The following PPARGC1B variants were observed in gnomAD, a reference collection of about 807,000 sequenced individuals.
PPARGC1B encodes PPARG coactivator 1 beta, also known as peroxisome proliferator-activated receptor gamma coactivator 1-beta.
Under a neutral mutation model 101.6 loss-of-function variants are expected in PPARGC1B, and 34 were observed. The ratio of observed to expected loss-of-function variants is 0.33; its 90% CI spans 0.25 to 0.45. The LOEUF (loss-of-function observed/expected upper bound fraction) is 0.45, where lower values mean the gene tolerates loss of function less well. Among genes scored for constraint, PPARGC1B ranks in the 20% least tolerant of loss-of-function variants. PPARGC1B has a pLI of 1.00. For synonymous variants in PPARGC1B, 548 were observed against 539.3 expected, an observed-to-expected ratio of 1.02 and a Z score of -0.22; for missense variants, 1,234 against 1,317.6, an observed-to-expected ratio of 0.94 and a Z score of 0.98.
intron 1 of PPARGC1B, among the ~76,000 whole-genome samples, chr5:149,762,305 C>T (rs537189802): frequency 3.3e-5 from 5 of 152,076 alleles, no homozygotes; most frequent in African/African-American, 9.7e-5. Context: ...CCACCATGCC[C>T]GGCTAAGTTT....
intron 1 of PPARGC1B, among the ~76,000 whole-genome samples, chr5:149,770,327 C>G (rs1242379111): frequency 6.6e-6 from 1 of 152,164 alleles, no homozygotes; most frequent in Admixed American, 6.5e-5. Flanking sequence ...GGCGAGAACA[C>G]TCTAATTGTT....
intron 1 of PPARGC1B, among the ~76,000 whole-genome samples, chr5:149,755,971 T>C (rs1038177016): frequency 2.0e-5 from 3 of 152,202 alleles, no homozygotes; most frequent in African/African-American, 7.2e-5. Context: ...TGCTTGGCTT[T>C]GCAGGAGGCA....
intron 1 of PPARGC1B, among the ~76,000 whole-genome samples, chr5:149,754,018 G>T (rs1430287019): frequency 6.6e-6 from 1 of 152,160 alleles, no homozygotes; most frequent in Non-Finnish European, 1.5e-5. Context: ...ACATTTTGAT[G>T]TATATTGTCA....
chr5:149,803,800 C>T (rs1339156028), intron 1 of PPARGC1B, among the ~76,000 whole-genome samples: 1 of 152,206 alleles, frequency 6.6e-6, no homozygotes, highest in African/African-American at 2.4e-5. Flanking sequence ...TCATTGTACT[C>T]GCCCAGTTCT....
intron 1 of PPARGC1B, among the ~76,000 whole-genome samples, chr5:149,803,626 AT>A (rs1365943818): frequency 6.6e-6 from 1 of 151,890 alleles, no homozygotes; most frequent in Non-Finnish European, 1.5e-5. Flanking sequence ...CAAGCATCTG[AT>A]TTTCCCCCTT....
rs1031556689 is a variant in PPARGC1B at position 149,838,580 on chromosome 5, A to G, written c.2619-1461A>G. 3.9e-5 allele frequency among the ~76,000 whole-genome samples: 6 copies of G among 152,312 alleles called. No individual in the cohort carries two copies. In the East Asian group the frequency reaches 9.6e-4, roughly 24 times the overall value. Reference sequence around the variant, plus strand: ...TCTTCATGTTGAAATACATCCCCCAAGCTGGAGCTTCCCTGGTCTCCTTTC... The same window carrying G: ...TCTTCATGTTGAAATACATCCCCCAGGCTGGAGCTTCCCTGGTCTCCTTTC... On this transcript the variant is annotated intron_variant, in intron 8 of 11. Transcript: ENST00000309241.
chr5:149,802,388 C>G (rs1757458872), intron 1 of PPARGC1B, among the ~76,000 whole-genome samples: 1 of 152,038 alleles, frequency 6.6e-6, no homozygotes, highest in Non-Finnish European at 1.5e-5. Flanking sequence ...CAGATGGTCT[C>G]TGCTGCTTGT....
At chr5:149,846,764 A>G (rs1759578493) in intron 11 of PPARGC1B, 1 of 154,518 alleles carries the variant, frequency 6.5e-6, no homozygotes, top group Non-Finnish European at 1.4e-5. Context: ...ATGTCCATTT[A>G]TGGGAATCAG....
chr5:149,781,367 T>C (rs913471843), intron 1 of PPARGC1B, among the ~76,000 whole-genome samples: 1 of 152,210 alleles, frequency 6.6e-6, no homozygotes, highest in African/African-American at 2.4e-5. Context: ...TAGCTGCCAT[T>C]CTGTGACCTG....
In PPARGC1B at chr5:149,848,935, C is replaced by T. The variant is rs1346817622; in HGVS notation, c.*1377C>T. 6.6e-6 allele frequency: 1 copy of T among 152,186 alleles called. No homozygotes were observed. Among genetic ancestry groups the T allele is most frequent in the Non-Finnish European group, 1.5e-5 (1 of 68,040 alleles). 9.4% of individuals were successfully genotyped at this position (152,186 alleles called of 1,614,324 possible). On this transcript the variant is annotated 3_prime_UTR_variant, in exon 12 of 12. Coordinates refer to ENST00000309241, the MANE Select transcript of PPARGC1B (RefSeq NM_133263.4). ...CAATTGAGAAAACACTCCAATTGGG[C>T]TTTGCTTTAAACTTTGTGTTCTTAA...
intron 1 of PPARGC1B, among the ~76,000 whole-genome samples, chr5:149,737,554 C>A (rs1184456338): frequency 6.6e-6 from 1 of 152,210 alleles, no homozygotes; most frequent in Admixed American, 6.5e-5. Context: ...TGTGGCAGTA[C>A]GCAGGGCCAG....
In PPARGC1B at chr5:149,837,094, G is replaced by A. The variant is rs1759130095; in HGVS notation, c.2618+21G>A. On this transcript the variant is annotated intron_variant, in intron 8 of 11. Coordinates refer to ENST00000309241, the MANE Select transcript of PPARGC1B (RefSeq NM_133263.4). The surrounding 1 kb of genome is among the most constrained non-coding windows in gnomAD (Gnocchi z 4.2). ...TTCAGGTATGAACAGGGGGCTGCAG[G>A]AGAGGCAGCGGGCAGTGGAGGATCC... 3 of 1,580,728 alleles carry A rather than the reference G, an allele frequency of 1.9e-6. No individual in the cohort carries two copies. Among genetic ancestry groups the A allele is most frequent in the South Asian group, 2.3e-5 (2 of 87,338 alleles).
chr5:149,833,581 A>C lies in PPARGC1B; in HGVS notation c.1508A>C (p.Gln503Pro). ...GAGCCGCTGGTCCCCTCGGAGCCCC[A>C]AGGTGCTCTGCCCTCACTGTGCCTG... Reference protein sequence around the residue: ...ADEPLVPSEPQGALPSLCLAP... With the variant: ...ADEPLVPSEPPGALPSLCLAP... Residue 503 changes from glutamine (Q) to proline (P), a missense_variant, in exon 5 of 12, where the codon CAA (glutamine) becomes CCA (proline). By Grantham distance (76) the Gln-to-Pro change is moderately conservative. Around this residue, in one of 3 missense-constraint regions of PPARGC1B, gnomAD observed 734 missense variants for 768.4 expected, o/e 0.96. Transcript: ENST00000309241. The surrounding 1 kb of genome is among the most constrained non-coding windows in gnomAD (Gnocchi z 4.1). 6.2e-7 allele frequency: 1 copy of C among 1,601,470 alleles called. No homozygotes were observed. Among genetic ancestry groups the C allele is most frequent in the Non-Finnish European group, 8.5e-7 (1 of 1,174,344 alleles).
chr5:149,787,159 G>C (rs1194432393), intron 1 of PPARGC1B, among the ~76,000 whole-genome samples: 1 of 152,234 alleles, frequency 6.6e-6, no homozygotes, highest in Non-Finnish European at 1.5e-5. Flanking sequence ...CACAGCAAGA[G>C]AGCATTTCTT....
intron 1 of PPARGC1B, among the ~76,000 whole-genome samples, chr5:149,808,703 T>C (rs1005751250): frequency 6.6e-6 from 1 of 152,204 alleles, no homozygotes; most frequent in Non-Finnish European, 1.5e-5. Flanking sequence ...CTTGTTTTTG[T>C]ACACGGTCCT....
chr5:149,831,138 G>A (rs1255865078), intron 4 of PPARGC1B, among the ~76,000 whole-genome samples: 1 of 152,188 alleles, frequency 6.6e-6, no homozygotes, highest in Non-Finnish European at 1.5e-5. Context: ...GAGCAAGGAT[G>A]AGGAAAGTGT....
intron 1 of PPARGC1B, among the ~76,000 whole-genome samples, chr5:149,765,674 C>T (rs900011142): frequency 1.3e-5 from 2 of 151,976 alleles, no homozygotes; most frequent in East Asian, 1.9e-4. Context: ...CTGGCCAACA[C>T]GGGGAAACTC....
chr5:149,793,074 T>C (rs565265933), intron 1 of PPARGC1B, among the ~76,000 whole-genome samples: 2 of 152,024 alleles, frequency 1.3e-5, no homozygotes, highest in South Asian at 2.1e-4. Flanking sequence ...GGTTTCTGGG[T>C]GAGGTAGAGA....
At chr5:149,831,787 A>C (rs546141032) in intron 4 of PPARGC1B, among the ~76,000 whole-genome samples, 1 of 152,332 alleles carries the variant, frequency 6.6e-6, no homozygotes, top group East Asian at 1.9e-4. Context: ...AAGCGGGGCG[A>C]ATAAGACTGG....
Sources: allele counts gnomAD v4.1 joint callset (sites outside exome capture counted in the v4.1 genomes callset), GRCh38; gene constraint gnomAD v4.1.1; regional missense constraint gnomAD v4.1.1; non-coding constraint Gnocchi (gnomAD v3.1); transcripts MANE v1.5; gene names NCBI Gene and HGNC (gene_info 2026-07-23, HGNC 2026-07-21).